Variants in AGBL4 observed in about 807,000 individuals in gnomAD.
The protein encoded by AGBL4 is cytosolic carboxypeptidase 6.
A neutral mutation model predicts 66.4 loss-of-function variants in AGBL4; 58 were observed. The observed-to-expected ratio is 0.87, with a 90% CI of 0.71 to 1.09. The LOEUF (loss-of-function observed/expected upper bound fraction) is 1.09, where lower values mean the gene tolerates loss of function less well. Ranked by LOEUF, AGBL4 falls within the 50% of genes least tolerant of loss-of-function variation. AGBL4 has a pLI of 0.00. For missense variants in AGBL4, 579 were observed against 631.0 expected (o/e 0.92, Z 0.88); for synonymous variants, 234 against 222.9 (o/e 1.05, Z -0.44).
intron 6 of AGBL4, among the ~76,000 whole-genome samples, chr1:48,831,538 G>C (rs1030288531): frequency 3.3e-5 from 5 of 152,196 alleles, no homozygotes; most frequent in African/African-American, 1.2e-4. Context: ...CACCTCTGCT[G>C]TAACATTTAG....
chr1:48,772,879 C>T lies in AGBL4; in HGVS notation c.634+94312G>A, dbSNP rs143798840. Among the ~76,000 whole-genome samples, 7 of 152,170 alleles carry T rather than the reference C, an allele frequency of 4.6e-5. No individual in the cohort carries two copies. In the East Asian group the frequency reaches 9.7e-4, roughly 21 times the overall value. ...TGAATTGGTCCATTCTCTGTGTTTC[C>T]CCAGTGCCTGGCTTCTACCTTTATT... On this transcript the variant is annotated intron_variant, in intron 6 of 13. Transcript: ENST00000371839.
intron 3 of AGBL4, among the ~76,000 whole-genome samples, chr1:49,651,119 A>G (rs961888975): frequency 3.3e-5 from 5 of 152,212 alleles, no homozygotes; most frequent in Non-Finnish European, 7.3e-5. Flanking sequence ...GGTAGCAGCC[A>G]GAGAGGTTTA....
chr1:50,007,742 G>C (rs1260732413), intron 1 of AGBL4, among the ~76,000 whole-genome samples: 1 of 152,066 alleles, frequency 6.6e-6, no homozygotes, highest in African/African-American at 2.4e-5. Context: ...CTCCAGCCTA[G>C]GTGACAGAGT....
At chr1:49,012,449 C>G (rs1662512083) in intron 5 of AGBL4, among the ~76,000 whole-genome samples, 1 of 152,128 alleles carries the variant, frequency 6.6e-6, no homozygotes, top group South Asian at 2.1e-4. Flanking sequence ...ATACTAGGCA[C>G]TGTGGTACAT....
At chr1:49,855,390 T>C (rs1398106981) in intron 1 of AGBL4, among the ~76,000 whole-genome samples, 3 of 152,194 alleles carry the variant, frequency 2.0e-5, no homozygotes, top group African/African-American at 7.2e-5. Flanking sequence ...ATCTGCACGA[T>C]AGACCAAATG....
chr1:49,685,952 T>G (rs1276032471), intron 3 of AGBL4, among the ~76,000 whole-genome samples: 1 of 152,186 alleles, frequency 6.6e-6, no homozygotes, highest in Non-Finnish European at 1.5e-5. Flanking sequence ...TTTGGAGTAT[T>G]TGTTAATAAA....
At chr1:49,845,112 C>T (rs1646102858) in intron 2 of AGBL4, 2 of 1,451,618 alleles carry the variant, frequency 1.4e-6, no homozygotes, top group Middle Eastern at 1.7e-4. Flanking sequence ...TTAGTCACAG[C>T]TCAGCACTTA....
At position 49,665,047 on chromosome 1, in the gene AGBL4, T is replaced by C. The variant is rs568621529; in HGVS notation, c.282+32266A>G. 7.9e-5 allele frequency among the ~76,000 whole-genome samples: 12 copies of C among 152,264 alleles called. No individual in the cohort carries two copies. The South Asian group carries it at 1.7e-3, about 21-fold the overall frequency. On this transcript the variant is annotated intron_variant, in intron 3 of 13. Coordinates refer to ENST00000371839, the MANE Select transcript of AGBL4 (RefSeq NM_032785.4). ...TTTGGTAGAGTTACTCTTAAATGAA[T>C]ATTAAGAAATTTTTAGAAATCACAA...
At chr1:49,644,833 A>G (rs1251244266) in intron 3 of AGBL4, among the ~76,000 whole-genome samples, 1 of 151,484 alleles carries the variant, frequency 6.6e-6, no homozygotes, top group Non-Finnish European at 1.5e-5. Flanking sequence ...TAAAGGGCAC[A>G]TGAAACATTT....
chr1:48,993,570 C>T (rs1041525276), intron 5 of AGBL4, among the ~76,000 whole-genome samples: 1 of 152,154 alleles, frequency 6.6e-6, no homozygotes, highest in Non-Finnish European at 1.5e-5. Flanking sequence ...TAGGACTTGC[C>T]TAGGAGTAAC....
At chr1:49,542,920 A>C (rs1006088967) in intron 3 of AGBL4, among the ~76,000 whole-genome samples, 2 of 150,644 alleles carry the variant, frequency 1.3e-5, no homozygotes, top group Non-Finnish European at 3.0e-5. Context: ...AAAAAAAAAA[A>C]AAAAACTCAA....
chr1:48,634,608 G>T lies in AGBL4; in HGVS notation c.840-4C>A. On this transcript the variant is annotated splice_region_variant and splice_polypyrimidine_tract_variant and intron_variant, in intron 8 of 13. Coordinates refer to ENST00000371839, the MANE Select transcript of AGBL4 (RefSeq NM_032785.4). ...ATCAAATCCCATCAGAGAACACCTA[G>T]GCAGTACCCAAAGTAAGAGTCAATA... 1 of 1,585,766 alleles carries T rather than the reference G, an allele frequency of 6.3e-7. No individual in the cohort carries two copies. The highest frequency in any genetic ancestry group is 8.6e-7 in the Non-Finnish European group (1 of 1,164,372).
intron 4 of AGBL4, among the ~76,000 whole-genome samples, chr1:49,055,107 T>G (rs1644286357): frequency 6.6e-6 from 1 of 152,048 alleles, no homozygotes; most frequent in African/African-American, 2.4e-5. Context: ...TGATTTTACC[T>G]TGGGATAACA....
intron 3 of AGBL4, among the ~76,000 whole-genome samples, chr1:49,400,487 A>T (rs889388026): frequency 2.0e-5 from 3 of 152,294 alleles, no homozygotes; most frequent in African/African-American, 7.2e-5. Context: ...AAACATTTTA[A>T]AAATAGTGAT....
At chr1:49,803,503 G>A (rs1160504267) in intron 2 of AGBL4, among the ~76,000 whole-genome samples, 2 of 152,126 alleles carry the variant, frequency 1.3e-5, no homozygotes, top group Non-Finnish European at 2.9e-5. Context: ...GACATTTAAT[G>A]AATGCATTGT....
chr1:49,979,530 G>T (rs1341451826), intron 1 of AGBL4, among the ~76,000 whole-genome samples: 2 of 151,080 alleles, frequency 1.3e-5, no homozygotes, highest in African/African-American at 2.4e-5. Flanking sequence ...AGGAAAAAAT[G>T]TAAGCAATTA....
intron 3 of AGBL4, among the ~76,000 whole-genome samples, chr1:49,372,599 C>A (rs1644370365): frequency 6.8e-6 from 1 of 148,004 alleles, no homozygotes. Context: ...TCTTTCTTTT[C>A]TTTTTCTTTT....
chr1:50,006,338 CA>C (rs56377281), intron 1 of AGBL4, among the ~76,000 whole-genome samples: 4,241 of 74,482 alleles, frequency 0.057, 59 homozygotes, highest in African/African-American at 0.082. Context: ...GACTCCGCCT[CA>C]AAAAAAAAAA....
chr1:48,749,229 ATC>A (rs936675985), intron 6 of AGBL4, among the ~76,000 whole-genome samples: 4 of 152,036 alleles, frequency 2.6e-5, no homozygotes, highest in East Asian at 1.9e-4. Context: ...TATCAAATGT[ATC>A]TCTCTTTTTT....
Sources: allele counts gnomAD v4.1 joint callset (sites outside exome capture counted in the v4.1 genomes callset), GRCh38; gene constraint gnomAD v4.1.1; transcripts MANE v1.5; gene names NCBI Gene and HGNC (gene_info 2026-07-23, HGNC 2026-07-21).